The following CDH12 variants were observed in gnomAD, a reference collection of about 807,000 sequenced individuals.
CDH12 encodes cadherin-12.
Under a neutral mutation model 74.1 loss-of-function variants are expected in CDH12, and 41 were observed. The ratio of observed to expected loss-of-function variants is 0.55; its 90% confidence interval spans 0.43 to 0.72. The LOEUF is 0.72. Among genes scored for constraint, CDH12 ranks in the 30% least tolerant of loss-of-function variants. The pLI, the probability that CDH12 is intolerant of heterozygous loss-of-function variation, is 0.00. For missense variants in CDH12, 945 were observed against 977.2 expected (o/e 0.97, Z 0.44); for synonymous variants, 399 against 355.0 (o/e 1.12, Z -1.39).
intron 10 of CDH12, among the ~76,000 whole-genome samples, chr5:21,788,428 A>G (rs1032593109): frequency 2.0e-5 from 3 of 152,070 alleles, no homozygotes; most frequent in Non-Finnish European, 4.4e-5. Flanking sequence ...ATAGAAAACT[A>G]TCTGAGAAGC....
intron 4 of CDH12, among the ~76,000 whole-genome samples, chr5:22,085,260 G>T (rs1223477405): frequency 6.6e-6 from 1 of 151,946 alleles, no homozygotes. Context: ...CTTGAAGTGT[G>T]CCTCCAAAGC....
At chr5:22,535,667 A>G (rs1737814250) in intron 1 of CDH12, among the ~76,000 whole-genome samples, 1 of 152,234 alleles carries the variant, frequency 6.6e-6, no homozygotes, top group Admixed American at 6.5e-5. Flanking sequence ...AGAAATTAGA[A>G]AAGTAAGCTT....
chr5:22,451,458 C>T (rs1248893562), intron 2 of CDH12, among the ~76,000 whole-genome samples: 1 of 151,708 alleles, frequency 6.6e-6, no homozygotes, highest in Non-Finnish European at 1.5e-5. Flanking sequence ...TCAATAGAAT[C>T]AAGAACAAAA....
rs191469069 is a variant in CDH12, at chr5:22,081,132, C to T, written c.-186-2270G>A. 7.9e-5 allele frequency among the ~76,000 whole-genome samples: 12 copies of T among 152,216 alleles called. No homozygotes were observed. The East Asian group carries it at 2.3e-3, about 29-fold the overall frequency. On this transcript the variant is annotated intron_variant, in intron 4 of 14. Transcript: ENST00000382254. ...GAAAATTAACATTTGATATGCAACT[C>T]ACATTTACATTTTGAATTATTTTCA...
chr5:21,838,114 T>C (rs924580512), intron 8 of CDH12, among the ~76,000 whole-genome samples: 11 of 152,220 alleles, frequency 7.2e-5, no homozygotes, highest in African/African-American at 2.7e-4. Context: ...TTAAGTCAGT[T>C]AATTTTGTTG....
intron 3 of CDH12, among the ~76,000 whole-genome samples, chr5:22,341,201 A>G (rs546158486): frequency 1.3e-5 from 2 of 152,340 alleles, no homozygotes; most frequent in African/African-American, 4.8e-5. Context: ...TTCTTTTAAC[A>G]TAAAGAATGG....
chr5:22,222,827 T>G (rs1025875980), intron 3 of CDH12, among the ~76,000 whole-genome samples: 1 of 152,028 alleles, frequency 6.6e-6, no homozygotes, highest in East Asian at 1.9e-4. Flanking sequence ...AAACTCACTC[T>G]AAAGCAAGAT....
At chr5:22,635,972 C>G (rs1289725140) in intron 1 of CDH12, among the ~76,000 whole-genome samples, 1 of 151,472 alleles carries the variant, frequency 6.6e-6, no homozygotes, top group East Asian at 1.9e-4. Context: ...AAATATTATA[C>G]AGTAATATTA....
At position 21,758,035 on chromosome 5, in the gene CDH12, T is replaced by A. The variant is rs939679345; in HGVS notation, c.1634-2193A>T. On this transcript the variant is annotated intron_variant, in intron 13 of 14. Coordinates refer to ENST00000382254, the MANE Select transcript of CDH12 (RefSeq NM_004061.5). ...CAAGCAGATTTCCCTATAATGTAAA[T>A]ATGAATATGTTATATTCTTGCTTAA... Among the ~76,000 whole-genome samples, 7 of 152,302 alleles carry A rather than the reference T, an allele frequency of 4.6e-5. No individual in the cohort carries two copies. In the East Asian group the frequency reaches 1.2e-3, roughly 25 times the overall value.
intron 1 of CDH12, among the ~76,000 whole-genome samples, chr5:22,847,029 A>G (rs923061782): frequency 6.6e-6 from 1 of 152,156 alleles, no homozygotes; most frequent in African/African-American, 2.4e-5. Flanking sequence ...CACGACTACA[A>G]TTCATTCCAA....
At chr5:22,538,095 G>C (rs1329358823) in intron 1 of CDH12, among the ~76,000 whole-genome samples, 1 of 152,120 alleles carries the variant, frequency 6.6e-6, no homozygotes, top group Admixed American at 6.5e-5. Flanking sequence ...CCACCTTAGG[G>C]ACTGATGTTG....
intron 5 of CDH12, among the ~76,000 whole-genome samples, chr5:22,056,879 G>A (rs1740778248): frequency 6.6e-6 from 1 of 152,130 alleles, no homozygotes; most frequent in Non-Finnish European, 1.5e-5. Context: ...CCGGAAAAGA[G>A]CCGACAATTC....
intron 1 of CDH12, among the ~76,000 whole-genome samples, chr5:22,654,926 G>T (rs554555966): frequency 6.6e-6 from 1 of 152,156 alleles, no homozygotes; most frequent in African/African-American, 2.4e-5. Context: ...CCACTGTGCC[G>T]TGCCTCTTTC....
chr5:22,207,319 A>C (rs1751277804), intron 4 of CDH12, among the ~76,000 whole-genome samples: 1 of 152,204 alleles, frequency 6.6e-6, no homozygotes, highest in Non-Finnish European at 1.5e-5. Flanking sequence ...CTTCTAAATA[A>C]GCAGTCAGCA....
chr5:21,890,950 G>C (rs1752870865), intron 6 of CDH12, among the ~76,000 whole-genome samples: 1 of 152,012 alleles, frequency 6.6e-6, no homozygotes, highest in African/African-American at 2.4e-5. Flanking sequence ...CTGGCATACA[G>C]GTTGTCAACG....
At chr5:22,541,219 T>C (rs1738084830) in intron 1 of CDH12, among the ~76,000 whole-genome samples, 1 of 152,188 alleles carries the variant, frequency 6.6e-6, no homozygotes, top group Non-Finnish European at 1.5e-5. Flanking sequence ...TGAGTGACAC[T>C]TCCCCTGTCA....
At chr5:22,347,812 C>G (rs1315066044) in intron 3 of CDH12, among the ~76,000 whole-genome samples, 1 of 152,060 alleles carries the variant, frequency 6.6e-6, no homozygotes, top group East Asian at 1.9e-4. Flanking sequence ...AATCAGAAAA[C>G]CTTTGAAACA....
At chr5:22,313,137 G>A (rs1738461817) in intron 3 of CDH12, among the ~76,000 whole-genome samples, 1 of 152,168 alleles carries the variant, frequency 6.6e-6, no homozygotes. Context: ...TGGTGGAGAA[G>A]GGTAGAATTG....
intron 4 of CDH12, among the ~76,000 whole-genome samples, chr5:22,149,779 A>C (rs1292718022): frequency 6.6e-6 from 1 of 152,082 alleles, no homozygotes; most frequent in East Asian, 1.9e-4. Flanking sequence ...GGTGGATCAC[A>C]AGGTCAGGAG....
Sources: gnomAD v4.1 joint callset for allele counts (sites outside exome capture counted in the v4.1 genomes callset) on GRCh38, gnomAD v4.1.1 for gene constraint, MANE v1.5 for transcripts, NCBI Gene and HGNC (gene_info 2026-07-23, HGNC 2026-07-21) for gene names.